The following XDH variants were observed in gnomAD, a reference collection of about 807,000 sequenced individuals.
XDH encodes xanthine dehydrogenase.
A neutral mutation model predicts 156.1 loss-of-function variants in XDH; 138 were observed. The ratio of observed to expected loss-of-function variants is 0.88; its 90% confidence interval spans 0.77 to 1.02. XDH has a LOEUF of 1.02. XDH is among the 50% of genes least tolerant of loss of function. The probability of loss-of-function intolerance (pLI) is 0.00; values close to 1 mark genes in which losing one functional copy is unlikely to be tolerated. For synonymous variants in XDH, 669 were observed against 625.7 expected (o/e 1.07, Z -1.03); for missense variants, 1,849 against 1,684.9 (o/e 1.10, Z -1.71).
At chr2:31,375,019 C>CTTTTTTTTTTT (rs757150117) in intron 15 of XDH, among the ~76,000 whole-genome samples, 1 of 101,236 alleles carries the variant, frequency 9.9e-6, no homozygotes, top group Non-Finnish European at 1.9e-5. Context: ...TTCTTTCTTT[C>CTTTTTTTTTTT]TTTCTTTTTT....
Position 31,371,341 on chromosome 2 carries a change from A to G in XDH, c.1857-863T>C, listed in dbSNP as rs577619945. ...TAATTCCCATTTTATGTTTGGGGAA[A>G]CTCAGACTCAAGGAAGTTAGGTAGT... On this transcript the variant is annotated intron_variant, in intron 17 of 35. Coordinates refer to ENST00000379416, the MANE Select transcript of XDH (RefSeq NM_000379.4). Among the ~76,000 whole-genome samples, 6 of 152,334 alleles carry G rather than the reference A, an allele frequency of 3.9e-5. No homozygotes were observed. In the East Asian group the frequency reaches 1.2e-3, roughly 29 times the overall value.
At chr2:31,341,527 T>A in intron 32 of XDH, 133 bp from the exon 33 acceptor site, 3 of 931,380 alleles carry the variant, frequency 3.2e-6, no homozygotes, top group Non-Finnish European at 3.4e-6. Context: ...GCCCTGGGTG[T>A]GCTCAGGCAG....
At chr2:31,366,473 T>G (rs1167906671) in intron 21 of XDH, among the ~76,000 whole-genome samples, 1 of 152,198 alleles carries the variant, frequency 6.6e-6, no homozygotes, top group Non-Finnish European at 1.5e-5. Context: ...CTGTAGATAA[T>G]TTAGTGGTCC....
chr2:31,405,090 A>G (rs913813007), intron 2 of XDH, among the ~76,000 whole-genome samples: 1 of 152,120 alleles, frequency 6.6e-6, no homozygotes, highest in African/African-American at 2.4e-5. Flanking sequence ...AATCTCCATC[A>G]CTATTTCCCC....
At chr2:31,384,358 A>C (rs1686526636) in intron 9 of XDH, 1 of 164,398 alleles carries the variant, frequency 6.1e-6, no homozygotes, top group Admixed American at 5.7e-5. Flanking sequence ...TCAGTACTGG[A>C]ATGATTATTC....
chr2:31,357,129 A>G (rs1685645872), intron 24 of XDH, among the ~76,000 whole-genome samples: 1 of 152,202 alleles, frequency 6.6e-6, no homozygotes, highest in South Asian at 2.1e-4. Context: ...TAAATTGAAT[A>G]CATTAAAAAA....
chr2:31,344,641 C>A (rs151098678), intron 31 of XDH, 43 bp downstream of exon 31: 4 of 1,611,496 alleles, frequency 2.5e-6, no homozygotes, highest in Non-Finnish European at 3.4e-6. Flanking sequence ...GAGGTTAGGA[C>A]GACATCACAC....
intron 4 of XDH, 144 bp downstream of exon 4, chr2:31,401,076 G>A: frequency 1.0e-5 from 9 of 864,782 alleles, no homozygotes; most frequent in Admixed American, 1.0e-4. Flanking sequence ...AGGAGATGGG[G>A]AGGTGGCCAG....
intron 21 of XDH, among the ~76,000 whole-genome samples, 178 bp from the exon 22 acceptor site, chr2:31,366,287 C>T (rs1685913870): frequency 6.6e-6 from 1 of 152,180 alleles, no homozygotes; most frequent in South Asian, 2.1e-4. Flanking sequence ...AGACTGAATT[C>T]AGCATTGGTT....
intron 33 of XDH, among the ~76,000 whole-genome samples, 165 bp from the exon 34 acceptor site, chr2:31,339,842 A>G (rs1685078451): frequency 6.6e-6 from 1 of 152,170 alleles, no homozygotes; most frequent in African/African-American, 2.4e-5. Context: ...GGGATAACCC[A>G]TCCGGACTTC....
At chr2:31,356,886 A>C (rs1469528800) in intron 24 of XDH, among the ~76,000 whole-genome samples, 1 of 152,190 alleles carries the variant, frequency 6.6e-6, no homozygotes, top group Admixed American at 6.5e-5. Context: ...TGTGTTCTTC[A>C]ACTAAAACGG....
chr2:31,346,947 AC>A, intron 29 of XDH, 104 bp from the exon 30 acceptor site: 2 of 1,473,082 alleles, frequency 1.4e-6, no homozygotes, highest in Non-Finnish European at 1.9e-6. Context: ...GCAATGCTGT[AC>A]CCAGGGTGCC....
intron 24 of XDH, among the ~76,000 whole-genome samples, chr2:31,359,657 A>G (rs1410872012): frequency 6.6e-6 from 1 of 152,212 alleles, no homozygotes; most frequent in Non-Finnish European, 1.5e-5. Context: ...TCACAATGAC[A>G]GAGTGAGATT....
intron 13 of XDH, 67 bp downstream of exon 13, chr2:31,379,800 C>G: frequency 6.7e-6 from 10 of 1,493,630 alleles, no homozygotes; most frequent in Non-Finnish European, 9.3e-6. Context: ...AGATTCTGAT[C>G]TCTTTGTCTA....
At chr2:31,359,955 A>T (rs1171441861) in intron 24 of XDH, among the ~76,000 whole-genome samples, 2 of 152,188 alleles carry the variant, frequency 1.3e-5, no homozygotes, top group Non-Finnish European at 2.9e-5. Flanking sequence ...TGAAAGAGAA[A>T]ATGGTAAGTG....
intron 13 of XDH, among the ~76,000 whole-genome samples, chr2:31,378,673 G>A (rs914060819): frequency 2.1e-5 from 3 of 144,520 alleles, no homozygotes; most frequent in African/African-American, 4.9e-5. Context: ...GGACATTCTC[G>A]CTGGGGTACA....
intron 18 of XDH, among the ~76,000 whole-genome samples, chr2:31,369,545 A>G (rs569559775): frequency 6.6e-6 from 1 of 152,286 alleles, no homozygotes; most frequent in East Asian, 1.9e-4. Flanking sequence ...TTATGGCCCA[A>G]ATAAGCTATT....
At chr2:31,377,001 C>T (rs1686263147) in intron 14 of XDH, 52 bp downstream of exon 14, 1 of 1,606,754 alleles carries the variant, frequency 6.2e-7, no homozygotes, top group Non-Finnish European at 8.5e-7. Context: ...AACAATGATA[C>T]TATTAGTAGC....
At chr2:31,398,874 C>G (rs1391014727) in intron 4 of XDH, among the ~76,000 whole-genome samples, 175 bp from the exon 5 acceptor site, 1 of 152,208 alleles carries the variant, frequency 6.6e-6, no homozygotes, top group African/African-American at 2.4e-5. Context: ...TCCAAGCCCT[C>G]TGAGTCTAGG....
Sources: allele counts gnomAD v4.1 joint callset (sites outside exome capture counted in the v4.1 genomes callset), GRCh38; gene constraint gnomAD v4.1.1; transcripts MANE v1.5; gene names NCBI Gene and HGNC (gene_info 2026-07-23, HGNC 2026-07-21).